Variants in PHACTR1 observed in about 807,000 individuals in gnomAD.
The protein encoded by PHACTR1 is phosphatase and actin regulator 1.
A neutral mutation model predicts 69.2 loss-of-function variants in PHACTR1; 16 were observed. That is an observed-to-expected ratio of 0.23 (90% CI 0.16 to 0.35). The LOEUF is 0.35. PHACTR1 is among the 10% of genes least tolerant of loss of function. The probability of loss-of-function intolerance (pLI) is 1.00; values close to 1 mark genes in which losing one functional copy is unlikely to be tolerated. For missense variants in PHACTR1, 510 were observed against 734.7 expected, an observed-to-expected ratio of 0.69 and a Z score of 3.54; for synonymous variants, 312 against 284.5, an observed-to-expected ratio of 1.10 and a Z score of -0.97.
chr6:13,153,346 C>T (rs192773567), intron 5 of PHACTR1, among the ~76,000 whole-genome samples: 353 of 152,260 alleles, frequency 2.3e-3, no homozygotes, highest in African/African-American at 8.2e-3. Flanking sequence ...AATACAGTTT[C>T]TTGGGGCCAT....
chr6:12,990,257 C>G (rs1055283074), intron 4 of PHACTR1, among the ~76,000 whole-genome samples: 2 of 152,200 alleles, frequency 1.3e-5, no homozygotes, highest in Admixed American at 6.5e-5. Flanking sequence ...TACTCTTCAA[C>G]CTTCCAATAC....
chr6:12,882,913 T>C (rs1199030220), intron 4 of PHACTR1, among the ~76,000 whole-genome samples: 5 of 152,234 alleles, frequency 3.3e-5, no homozygotes, highest in Non-Finnish European at 7.3e-5. Flanking sequence ...GACAGCTTTA[T>C]GTGCACCCAT....
chr6:12,891,048 T>TA (rs1232492859), intron 4 of PHACTR1, among the ~76,000 whole-genome samples: 1 of 152,186 alleles, frequency 6.6e-6, no homozygotes, highest in Non-Finnish European at 1.5e-5. Context: ...TATAAACTTG[T>TA]AAAAAAAGAT....
chr6:13,236,977 C>G (rs1009904362), intron 10 of PHACTR1, among the ~76,000 whole-genome samples: 1 of 152,164 alleles, frequency 6.6e-6, no homozygotes, highest in Non-Finnish European at 1.5e-5. Flanking sequence ...AAGAGGCCAT[C>G]ACTGTTCAGC....
chr6:12,983,717 C>T (rs574497125), intron 4 of PHACTR1, among the ~76,000 whole-genome samples: 2 of 152,130 alleles, frequency 1.3e-5, no homozygotes, highest in Non-Finnish European at 2.9e-5. Flanking sequence ...CCACGACAGA[C>T]CCTGATGTGT....
chr6:13,145,487 G>A (rs1823191156), intron 5 of PHACTR1, among the ~76,000 whole-genome samples: 1 of 152,144 alleles, frequency 6.6e-6, no homozygotes, highest in African/African-American at 2.4e-5. Context: ...TTTAAGAAGT[G>A]ATCACAGTTT....
chr6:13,043,494 A>G (rs1293967854), intron 4 of PHACTR1, among the ~76,000 whole-genome samples: 1 of 152,176 alleles, frequency 6.6e-6, no homozygotes, highest in Non-Finnish European at 1.5e-5. Flanking sequence ...CTATAGGACA[A>G]GGGTTAACAA....
chr6:13,038,392 C>G (rs1474019271), intron 4 of PHACTR1, among the ~76,000 whole-genome samples: 1 of 150,364 alleles, frequency 6.7e-6, no homozygotes, highest in Non-Finnish European at 1.5e-5. Context: ...CATAATTTAA[C>G]TCAAAGCCTG....
chr6:13,168,468 C>A (rs1271780789), intron 6 of PHACTR1, among the ~76,000 whole-genome samples: 2 of 152,168 alleles, frequency 1.3e-5, no homozygotes, highest in Non-Finnish European at 2.9e-5. Context: ...CATTATATGT[C>A]TGTGAGTGCC....
intron 5 of PHACTR1, among the ~76,000 whole-genome samples, chr6:13,100,485 C>A (rs2127857765): frequency 6.6e-6 from 1 of 152,276 alleles, no homozygotes; most frequent in East Asian, 1.9e-4. Context: ...TCCACTCGCT[C>A]ACCTCCAAAA....
intron 4 of PHACTR1, among the ~76,000 whole-genome samples, chr6:12,959,239 A>G (rs887840218): frequency 6.6e-6 from 1 of 151,616 alleles, no homozygotes; most frequent in African/African-American, 2.4e-5. Flanking sequence ...AACTCTTTAA[A>G]GTGGTACAAT....
chr6:13,198,949 A>G (rs1221312295), intron 7 of PHACTR1, among the ~76,000 whole-genome samples: 1 of 152,232 alleles, frequency 6.6e-6, no homozygotes, highest in Non-Finnish European at 1.5e-5. Context: ...ATTTCCATCC[A>G]GGTAGATCAG....
chr6:13,215,594 G>T (rs755136126), intron 8 of PHACTR1, among the ~76,000 whole-genome samples: 11 of 152,108 alleles, frequency 7.2e-5, no homozygotes, highest in Non-Finnish European at 1.2e-4. Context: ...TCAGATATAA[G>T]GAAGAACCCA....
At chr6:13,276,152 A>AGATAG (rs1778857187) in intron 11 of PHACTR1, 1 of 145,880 alleles carries the variant, frequency 6.9e-6, no homozygotes, top group African/African-American at 2.5e-5. Flanking sequence ...TCCGGGAGGG[A>AGATAG]GATAGGATCT....
intron 4 of PHACTR1, among the ~76,000 whole-genome samples, chr6:12,920,486 G>A (rs929208051): frequency 5.3e-5 from 8 of 152,218 alleles, no homozygotes; most frequent in African/African-American, 1.9e-4. Flanking sequence ...GTCTGACTTT[G>A]CAGTGATGTT....
At chr6:12,801,850 C>T (rs1773740603) in intron 4 of PHACTR1, among the ~76,000 whole-genome samples, 1 of 152,094 alleles carries the variant, frequency 6.6e-6, no homozygotes, top group African/African-American at 2.4e-5. Context: ...TTGAGGTCCT[C>T]TTGCAACATT....
chr6:12,824,935 T>G (rs545402310), intron 4 of PHACTR1, among the ~76,000 whole-genome samples: 1 of 152,292 alleles, frequency 6.6e-6, no homozygotes, highest in East Asian at 1.9e-4. Context: ...TGCTGGGGTT[T>G]CCACATCTGT....
At chr6:13,248,435 G>T (rs986361908) in intron 10 of PHACTR1, among the ~76,000 whole-genome samples, 1 of 152,188 alleles carries the variant, frequency 6.6e-6, no homozygotes, top group Admixed American at 6.5e-5. Flanking sequence ...TGATCTCTAT[G>T]CATTAATTTG....
intron 4 of PHACTR1, among the ~76,000 whole-genome samples, chr6:13,021,028 A>G (rs1800896300): frequency 6.6e-6 from 1 of 152,198 alleles, no homozygotes; most frequent in African/African-American, 2.4e-5. Context: ...CACGCACCAC[A>G]GAGTTCACTA....
Sources: allele counts gnomAD v4.1 joint callset (sites outside exome capture counted in the v4.1 genomes callset), GRCh38; gene constraint gnomAD v4.1.1; transcripts MANE v1.5; gene names NCBI Gene and HGNC (gene_info 2026-07-23, HGNC 2026-07-21).